Variants in SAP30BP observed in about 807,000 individuals in gnomAD.
SAP30BP encodes SAP30 binding protein, also known as SAP30-binding protein.
A neutral mutation model predicts 46.3 loss-of-function variants in SAP30BP; 31 were observed. The observed-to-expected ratio is 0.67, with a 90% CI of 0.50 to 0.90. The LOEUF (loss-of-function observed/expected upper bound fraction) is 0.90, where lower values mean the gene tolerates loss of function less well. SAP30BP is among the 40% of genes least tolerant of loss of function. The probability of loss-of-function intolerance (pLI) is 0.00; values close to 1 mark genes in which losing one functional copy is unlikely to be tolerated. For synonymous variants in SAP30BP, 169 were observed against 144.2 expected (o/e 1.17, Z -1.23); for missense variants, 312 against 391.0 (o/e 0.80, Z 1.70).
At chr17:75,687,787 A>T (rs1292007577) in intron 3 of SAP30BP, among the ~76,000 whole-genome samples, 1 of 151,748 alleles carries the variant, frequency 6.6e-6, no homozygotes, top group Non-Finnish European at 1.5e-5. Context: ...TGTCCGTCTG[A>T]CATTTCTAGT....
intron 2 of SAP30BP, among the ~76,000 whole-genome samples, chr17:75,669,175 G>A (rs559453851): frequency 3.3e-5 from 5 of 151,970 alleles, no homozygotes; most frequent in Non-Finnish European, 7.4e-5. Flanking sequence ...ACTCCTGGGC[G>A]CAAGTGATCC....
Position 75,706,529 on chromosome 17 carries a change from GGCCAC to G in SAP30BP, c.*9_*13del. The G allele has an allele frequency of 6.2e-7, 1 of 1,613,356 alleles. No individual in the cohort carries two copies. On this transcript the variant is annotated 3_prime_UTR_variant, in exon 11 of 11. Coordinates refer to ENST00000584667, the MANE Select transcript of SAP30BP (RefSeq NM_013260.8). This position sits in a 1 kb window ranked among gnomAD's most constrained non-coding sequence, Gnocchi z 4.6. ...AAGAAGGCCAAGCAGTGACCTGAGG[GGCCAC>G]CCTAGGACTTGAAAGGACCGTGCAG...
intron 3 of SAP30BP, among the ~76,000 whole-genome samples, chr17:75,680,133 G>C (rs549644562): frequency 2.5e-4 from 38 of 152,168 alleles, no homozygotes; most frequent in African/African-American, 8.7e-4. Context: ...GACTGGGATC[G>C]CCGGCCTCCC....
chr17:75,699,236 C>A (rs1475958064), intron 4 of SAP30BP, among the ~76,000 whole-genome samples: 1 of 152,138 alleles, frequency 6.6e-6, no homozygotes, highest in Non-Finnish European at 1.5e-5. Flanking sequence ...AAGAGTCTTA[C>A]TTTGTCACCC....
At chr17:75,694,708 T>G (rs1036391320) in intron 4 of SAP30BP, among the ~76,000 whole-genome samples, 3 of 152,218 alleles carry the variant, frequency 2.0e-5, no homozygotes, top group Non-Finnish European at 4.4e-5. Flanking sequence ...ACCCTGCTGT[T>G]TACTGTGAGA....
At chr17:75,702,611 A>G (rs1375919659) in intron 6 of SAP30BP, 40 bp downstream of exon 6, 1 of 1,004,362 alleles carries the variant, frequency 1.0e-6, no homozygotes, top group Non-Finnish European at 1.6e-6. Flanking sequence ...TTGAGTTATT[A>G]ATGTTGGACT....
At position 75,702,469 on chromosome 17, in the gene SAP30BP, C is replaced by T. The variant is rs1198569018; in HGVS notation, c.397-11C>T. ...CATACACCCCCCCACCCCCTCTGCT[C>T]CTCTTCACAGGACAAGATCCAGAAG... On this transcript the variant is annotated splice_polypyrimidine_tract_variant and intron_variant, in intron 5 of 10. Transcript: ENST00000584667. 2 of 1,380,210 alleles carry T rather than the reference C, an allele frequency of 1.4e-6. No homozygotes were observed. Among genetic ancestry groups the T allele is most frequent in the Non-Finnish European group, 1.0e-6 (1 of 973,638 alleles). The allele number at this position is 1,380,210 out of a possible 1,614,324, so 85.5% of individuals were successfully genotyped here.
chr17:75,682,368 A>C (rs12603742), intron 3 of SAP30BP, among the ~76,000 whole-genome samples: 73,775 of 151,448 alleles, frequency 0.49, 19,791 homozygotes, highest in Non-Finnish European at 0.61. Context: ...ATTTTTCAGT[A>C]GAGATGGGGT....
intron 3 of SAP30BP, among the ~76,000 whole-genome samples, chr17:75,687,966 G>A (rs1287048349): frequency 6.7e-6 from 1 of 149,832 alleles, no homozygotes. Context: ...GAGAGAGACA[G>A]AGAGAGGTCA....
At chr17:75,690,911 GCCT>G in intron 3 of SAP30BP, 2 of 368,312 alleles carry the variant, frequency 5.4e-6, no homozygotes, top group South Asian at 4.0e-5. Flanking sequence ...AGCAGCGCTG[GCCT>G]CCTCCTGAGC....
intron 4 of SAP30BP, among the ~76,000 whole-genome samples, chr17:75,697,073 G>A (rs1005763649): frequency 1.9e-4 from 29 of 152,130 alleles, no homozygotes; most frequent in African/African-American, 6.5e-4. Flanking sequence ...CACCGCGCCC[G>A]GCCCCTCCTC....
chr17:75,675,672 T>C (rs895256287), intron 3 of SAP30BP, among the ~76,000 whole-genome samples: 2 of 151,700 alleles, frequency 1.3e-5, no homozygotes, highest in Non-Finnish European at 2.9e-5. Flanking sequence ...CCCAGCACTT[T>C]GGGAGGCCGA....
intron 5 of SAP30BP, among the ~76,000 whole-genome samples, 177 bp from the exon 6 acceptor site, chr17:75,702,303 C>T (rs531353375): frequency 2.7e-4 from 41 of 151,382 alleles, no homozygotes; most frequent in Non-Finnish European, 1.8e-4. Flanking sequence ...GGATTACAGG[C>T]GTGAGCCACC....
intron 4 of SAP30BP, among the ~76,000 whole-genome samples, chr17:75,698,121 C>T (rs116959398): frequency 0.013 from 1,934 of 152,310 alleles, 29 homozygotes; most frequent in Middle Eastern, 0.092. Context: ...ATTGTCCCAG[C>T]GATCCAAAGC....
chr17:75,697,848 T>C (rs1451385772), intron 4 of SAP30BP, among the ~76,000 whole-genome samples: 1 of 152,194 alleles, frequency 6.6e-6, no homozygotes, highest in Non-Finnish European at 1.5e-5. Flanking sequence ...CAAAGCACCT[T>C]GTCTACTAAG....
chr17:75,697,324 C>G (rs188221372), intron 4 of SAP30BP, among the ~76,000 whole-genome samples: 1 of 152,130 alleles, frequency 6.6e-6, no homozygotes, highest in Non-Finnish European at 1.5e-5. Context: ...AGGACCAGCT[C>G]CCCCCAGCTG....
intron 3 of SAP30BP, among the ~76,000 whole-genome samples, chr17:75,674,690 G>GTTTGTTT (rs2059958498): frequency 1.8e-4 from 7 of 39,596 alleles, no homozygotes; most frequent in Admixed American, 3.1e-4. Context: ...TTTTTTGTTT[G>GTTTGTTT]TTTTTTGTTT....
intron 3 of SAP30BP, among the ~76,000 whole-genome samples, chr17:75,686,813 C>G (rs2060164324): frequency 6.6e-6 from 1 of 152,188 alleles, no homozygotes; most frequent in Admixed American, 6.5e-5. Context: ...GTGGGATGTT[C>G]CCATGCAGCA....
intron 9 of SAP30BP, chr17:75,705,613 T>G (rs1406736549): frequency 9.6e-7 from 1 of 1,045,476 alleles, no homozygotes; most frequent in Non-Finnish European, 1.2e-6. Context: ...AACCCCAGGC[T>G]TGTTGCAGGG....
Sources: gnomAD v4.1 joint callset for allele counts (sites outside exome capture counted in the v4.1 genomes callset) on GRCh38, gnomAD v4.1.1 for gene constraint, Gnocchi (gnomAD v3.1) non-coding constraint, MANE v1.5 for transcripts, NCBI Gene and HGNC (gene_info 2026-07-23, HGNC 2026-07-21) for gene names.